SNX9: variants seen among roughly 807,000 people sequenced by gnomAD.
The protein encoded by SNX9 is sorting nexin 9.
In SNX9, 44 loss-of-function variants were observed where a neutral mutation model predicts 89.4. The ratio of observed to expected loss-of-function variants is 0.49; its 90% CI spans 0.39 to 0.63. The LOEUF (loss-of-function observed/expected upper bound fraction) is 0.63. Ranked by LOEUF, SNX9 falls within the 30% of genes least tolerant of loss-of-function variation. The pLI is 0.00. For missense variants in SNX9, 578 were observed against 736.1 expected (o/e 0.79, Z 2.49); for synonymous variants, 236 against 247.8 (o/e 0.95, Z 0.45).
chr6:157,835,345 A>G (rs1029977473), intron 1 of SNX9, among the ~76,000 whole-genome samples: 5 of 151,786 alleles, frequency 3.3e-5, no homozygotes, highest in African/African-American at 4.8e-5. Context: ...ATTTACTTCT[A>G]TTAGAGTTCA....
chr6:157,825,382 A>G (rs1781323905), intron 1 of SNX9, among the ~76,000 whole-genome samples: 1 of 152,216 alleles, frequency 6.6e-6, no homozygotes, highest in Non-Finnish European at 1.5e-5. Context: ...TTTAAGTGGA[A>G]TGCAGTTTAG....
At chr6:157,865,197 A>G (rs1479125556) in intron 1 of SNX9, among the ~76,000 whole-genome samples, 3 of 146,946 alleles carry the variant, frequency 2.0e-5, no homozygotes, top group African/African-American at 5.1e-5. Context: ...AAATTAGCCA[A>G]GTGTGGTGGT....
Position 157,906,024 on chromosome 6 carries a change from G to A in SNX9, c.621-104G>A, listed in dbSNP as rs1401146513. ...CACAGTTTCCAGTTCTAGTGCACCCGAAAGACAGGACAAGGTTAAAACTGG... is the reference window on the plus strand; with the variant it reads ...CACAGTTTCCAGTTCTAGTGCACCCAAAAGACAGGACAAGGTTAAAACTGG... On this transcript the variant is annotated intron_variant, in intron 6 of 17. Transcript: ENST00000392185. 1.7e-5 allele frequency: 16 copies of A among 924,870 alleles called. No homozygotes were observed. In the Admixed American group the frequency reaches 2.0e-4, roughly 12 times the overall value. The allele number at this position is 924,870 out of a possible 1,614,324, so 57.3% of individuals were successfully genotyped here.
rs185656460 is a variant in SNX9, at chr6:157,833,727, T to G, written c.12+10281T>G. Among the ~76,000 whole-genome samples the G allele has an allele frequency of 1.6e-4, 24 of 152,294 alleles. No individual in the cohort carries two copies. In the East Asian group the frequency reaches 2.7e-3, roughly 17 times the overall value. On this transcript the variant is annotated intron_variant, in intron 1 of 17. Transcript: ENST00000392185. The stretch of plus-strand genomic sequence containing the variant: ...TAGGCAGGGTTTCCAGCACTGCACT[T>G]CTCCTCCCGCCTTCCTAAACCATGA...
chr6:157,925,616 T>C lies in SNX9; in HGVS notation c.1081-1495T>C, dbSNP rs959217321. Reference sequence around the variant, plus strand: ...GGATTACTCATAAAGTAGAATATTATACAGCAATGAAATGAATGAACTGTA... The same window carrying C: ...GGATTACTCATAAAGTAGAATATTACACAGCAATGAAATGAATGAACTGTA... On this transcript the variant is annotated intron_variant, in intron 10 of 17. Transcript: ENST00000392185. 4.6e-5 allele frequency among the ~76,000 whole-genome samples: 7 copies of C among 152,060 alleles called. No individual in the cohort carries two copies. The South Asian group carries it at 1.0e-3, about 23-fold the overall frequency.
intron 4 of SNX9, among the ~76,000 whole-genome samples, chr6:157,886,605 T>C (rs1053513592): frequency 1.3e-5 from 2 of 152,194 alleles, no homozygotes; most frequent in Admixed American, 6.5e-5. Context: ...GAATCAGAAA[T>C]GTTATTCCTT....
intron 2 of SNX9, among the ~76,000 whole-genome samples, chr6:157,869,387 A>C (rs1230941750): frequency 1.3e-5 from 2 of 152,110 alleles, no homozygotes; most frequent in Non-Finnish European, 2.9e-5. Flanking sequence ...AGCACTTCAC[A>C]CTGACCACGT....
rs1775097324 is a variant in SNX9, at chr6:157,823,570, G to C, written c.12+124G>C. On this transcript the variant is annotated intron_variant, in intron 1 of 17. Coordinates refer to ENST00000392185, the MANE Select transcript of SNX9 (RefSeq NM_016224.5). This position sits in a 1 kb window ranked among gnomAD's most constrained non-coding sequence, Gnocchi z 4.6. ...GGTCGAGGGGCCACTCCGCTTCCTC[G>C]GTGGAGTCCCCGGGCGGGTCCGCGG... 3 of 836,362 alleles carry C rather than the reference G, an allele frequency of 3.6e-6. No homozygotes were observed. Among genetic ancestry groups the C allele is most frequent in the Non-Finnish European group, 4.6e-6 (3 of 654,298 alleles). 51.8% of individuals were successfully genotyped at this position (836,362 alleles called of 1,614,324 possible).
intron 10 of SNX9, among the ~76,000 whole-genome samples, chr6:157,922,828 G>A (rs910356369): frequency 1.3e-5 from 2 of 152,218 alleles, no homozygotes; most frequent in Non-Finnish European, 2.9e-5. Flanking sequence ...CAGTCACACT[G>A]TGTGTCATGT....
At chr6:157,847,662 C>T (rs1164140132) in intron 1 of SNX9, among the ~76,000 whole-genome samples, 2 of 152,026 alleles carry the variant, frequency 1.3e-5, no homozygotes, top group African/African-American at 4.8e-5. Flanking sequence ...ATAATTTCCA[C>T]GTGGGCCCAG....
Position 157,841,205 on chromosome 6 carries a change from T to C in SNX9, c.12+17759T>C, listed in dbSNP as rs1781696171. Among the ~76,000 whole-genome samples the C allele has an allele frequency of 2.0e-5, 3 of 152,324 alleles. No individual in the cohort carries two copies. The South Asian group carries it at 6.2e-4, about 32-fold the overall frequency. ...GAATCTTTATTCTTTCATGGTTCCA[T>C]TAAGTGATTATTTTTAATATGAATT... On this transcript the variant is annotated intron_variant, in intron 1 of 17. Transcript: ENST00000392185.
In SNX9 at chr6:157,854,084, C is replaced by G. The variant is rs374431717; in HGVS notation, c.13-13463C>G. ...AGAAGTGAGACCTTGTAAATACACA[C>G]ACTGGTGAGGGTGTGGGAGATGGGT... On this transcript the variant is annotated intron_variant, in intron 1 of 17. Coordinates refer to ENST00000392185, the MANE Select transcript of SNX9 (RefSeq NM_016224.5). 3.3e-5 allele frequency among the ~76,000 whole-genome samples: 5 copies of G among 152,350 alleles called. No homozygotes were observed. The East Asian group carries it at 7.7e-4, about 23-fold the overall frequency.
chr6:157,903,854 T>C (rs1583227944), intron 6 of SNX9, among the ~76,000 whole-genome samples: 2 of 152,222 alleles, frequency 1.3e-5, no homozygotes, highest in East Asian at 3.8e-4. Context: ...CTCTAAAATA[T>C]CATTCCAGGC....
At chr6:157,867,712 C>T (rs1228477403) in intron 2 of SNX9, 79 bp downstream of exon 2, 2 of 1,155,334 alleles carry the variant, frequency 1.7e-6, no homozygotes, top group East Asian at 2.9e-5. Context: ...ACTGTACATT[C>T]GAGTCTGATT....
chr6:157,878,868 A>T (rs545944990), intron 4 of SNX9, among the ~76,000 whole-genome samples: 118 of 152,354 alleles, frequency 7.7e-4, no homozygotes, highest in African/African-American at 2.7e-3. Context: ...GCTAATCTGT[A>T]AGAAAAAGAT....
intron 1 of SNX9, among the ~76,000 whole-genome samples, chr6:157,859,376 C>CT (rs34742650): frequency 6.6e-6 from 1 of 152,082 alleles, no homozygotes. Context: ...CATAAGTTAC[C>CT]TTTTTTGACC....
chr6:157,894,173 G>A (rs1446727563), intron 4 of SNX9, among the ~76,000 whole-genome samples: 1 of 135,644 alleles, frequency 7.4e-6, no homozygotes, highest in East Asian at 2.1e-4. Flanking sequence ...GCAGTGGCGT[G>A]ATCTCAGCTC....
chr6:157,855,396 G>C (rs112019651), intron 1 of SNX9, among the ~76,000 whole-genome samples: 1,979 of 152,230 alleles, frequency 0.013, 33 homozygotes, highest in African/African-American at 0.045. Context: ...TATTTCTAGA[G>C]GATAAGTTCC....
At chr6:157,869,684 G>A (rs1583208674) in intron 2 of SNX9, among the ~76,000 whole-genome samples, 1 of 152,084 alleles carries the variant, frequency 6.6e-6, no homozygotes, top group Non-Finnish European at 1.5e-5. Flanking sequence ...GGCCAGTGTG[G>A]CCAGGTCATT....
Sources: gnomAD v4.1 joint callset for allele counts (sites outside exome capture counted in the v4.1 genomes callset) on GRCh38, gnomAD v4.1.1 for gene constraint, Gnocchi (gnomAD v3.1) non-coding constraint, MANE v1.5 for transcripts, NCBI Gene and HGNC (gene_info 2026-07-23, HGNC 2026-07-21) for gene names.